RP9: variants seen among roughly 807,000 people sequenced by gnomAD.
RP9 encodes RP9 pre-mRNA splicing factor.
A neutral mutation model predicts 32.6 loss-of-function variants in RP9; 23 were observed. The ratio of observed to expected loss-of-function variants is 0.71; its 90% CI spans 0.51 to 1.00. RP9 has a LOEUF of 1.00. Among genes scored for constraint, RP9 ranks in the 50% least tolerant of loss-of-function variants. The pLI is 0.00. For missense variants in RP9, 245 were observed against 285.3 expected (o/e 0.86, Z 1.02); for synonymous variants, 94 against 103.6 (o/e 0.91, Z 0.56).
chr7:33,097,222 T>G, intron 4 of RP9, 49 bp downstream of exon 4: 1 of 1,389,582 alleles, frequency 7.2e-7, no homozygotes, highest in Non-Finnish European at 1.0e-6. Context: ...CTTCACTGAT[T>G]TTCACTATCT....
intron 3 of RP9, among the ~76,000 whole-genome samples, chr7:33,097,972 G>A (rs1346910577): frequency 6.6e-6 from 1 of 152,144 alleles, no homozygotes; most frequent in Non-Finnish European, 1.5e-5. Flanking sequence ...CAGAGTAAAT[G>A]TTTTCATAAA....
At chr7:33,099,464 A>G (rs769596719) in intron 2 of RP9, 28 bp from the exon 3 acceptor site, 5 of 1,613,610 alleles carry the variant, frequency 3.1e-6, no homozygotes, top group Non-Finnish European at 4.2e-6. Flanking sequence ...TATAAACAGC[A>G]TGGCAAGAGC....
At chr7:33,100,040 C>A (rs1041176901) in intron 2 of RP9, 1 of 174,840 alleles carries the variant, frequency 5.7e-6, no homozygotes, top group Non-Finnish European at 1.2e-5. Context: ...GTTTTCTTGG[C>A]CGTGGCCTGC....
intron 1 of RP9, among the ~76,000 whole-genome samples, chr7:33,104,152 T>G (rs1014352925): frequency 2.0e-4 from 31 of 151,268 alleles, no homozygotes; most frequent in Non-Finnish European, 2.5e-4. Context: ...ACAGAAGAGA[T>G]AGAGCAACAG....
chr7:33,103,697 C>G (rs1010628777), intron 1 of RP9, among the ~76,000 whole-genome samples: 2 of 152,038 alleles, frequency 1.3e-5, no homozygotes, highest in African/African-American at 4.8e-5. Context: ...TGTGCACCTG[C>G]AGTCCCAGCT....
intron 1 of RP9, among the ~76,000 whole-genome samples, chr7:33,104,661 T>A (rs10281469): frequency 3.3e-5 from 5 of 151,964 alleles, no homozygotes; most frequent in African/African-American, 1.2e-4. Flanking sequence ...TCGCCAAAAC[T>A]GAGTGAAAAT....
At chr7:33,097,680 C>A (rs771339764) in intron 3 of RP9, among the ~76,000 whole-genome samples, 7 of 151,966 alleles carry the variant, frequency 4.6e-5, no homozygotes, top group African/African-American at 1.7e-4. Context: ...AGTGCAGTGG[C>A]GTGATCTCAG....
At chr7:33,103,418 G>T (rs1449703707) in intron 1 of RP9, among the ~76,000 whole-genome samples, 1 of 152,210 alleles carries the variant, frequency 6.6e-6, no homozygotes, top group African/African-American at 2.4e-5. Flanking sequence ...CCTGCAGCAT[G>T]AGCGCCCTAT....
intron 1 of RP9, among the ~76,000 whole-genome samples, chr7:33,105,108 G>T (rs1483438843): frequency 1.3e-5 from 2 of 152,180 alleles, no homozygotes; most frequent in Non-Finnish European, 2.9e-5. Flanking sequence ...GGGAAAGGAT[G>T]CCCTAGGACC....
chr7:33,109,232 G>C lies in RP9; in HGVS notation c.141C>G (p.His47Gln). 1 of 1,497,524 alleles carries C rather than the reference G, an allele frequency of 6.7e-7. No individual in the cohort carries two copies. The highest frequency in any genetic ancestry group is 8.9e-7 in the Non-Finnish European group (1 of 1,125,818). 92.8% of individuals were successfully genotyped at this position (1,497,524 alleles called of 1,614,324 possible). Reference sequence around the variant, plus strand: ...AGCTCGGGACTCACAAGGACTCCAGGTGCTTGAGCTGCTGCAGCTGCTGCG... The same window carrying C: ...AGCTCGGGACTCACAAGGACTCCAGCTGCTTGAGCTGCTGCAGCTGCTGCG... ...HDAQQLQQLKHLESFYEKPPP... is the reference protein window; with the variant it reads ...HDAQQLQQLKQLESFYEKPPP... Residue 47 changes from histidine (H) to glutamine (Q), a missense_variant, in exon 1 of 6, where the codon CAC (histidine) becomes CAG (glutamine). By Grantham distance (24) the His-to-Gln change is conservative. Transcript: ENST00000297157. The surrounding 1 kb of genome is among the most constrained non-coding windows in gnomAD (Gnocchi z 4.9).
At chr7:33,097,773 C>G (rs534613649) in intron 3 of RP9, among the ~76,000 whole-genome samples, 1 of 152,182 alleles carries the variant, frequency 6.6e-6, no homozygotes, top group South Asian at 2.1e-4. Flanking sequence ...GTGCGTACCA[C>G]CACACCCAGC....
chr7:33,104,904 T>C (rs1339888393), intron 1 of RP9, among the ~76,000 whole-genome samples: 1 of 152,208 alleles, frequency 6.6e-6, no homozygotes, highest in Non-Finnish European at 1.5e-5. Context: ...TGACCTGTAA[T>C]TTTATACCTA....
At chr7:33,103,977 G>T (rs117922812) in intron 1 of RP9, among the ~76,000 whole-genome samples, 5,041 of 152,188 alleles carry the variant, frequency 0.033, 107 homozygotes, top group Non-Finnish European at 0.05. Context: ...AGAAAAACGA[G>T]TGAGTATCCT....
chr7:33,094,829 TCAA>T lies in RP9; in HGVS notation c.*402_*404del, dbSNP rs772514957. On this transcript the variant is annotated 3_prime_UTR_variant, in exon 6 of 6. Transcript: ENST00000297157. ...AATAAATAATGAGCTTTTATTATTC[TCAA>T]CAACAGAGAAGACTCCAGCCTGATG... 2 of 205,212 alleles carry T rather than the reference TCAA, an allele frequency of 9.7e-6. No homozygotes were observed. Among genetic ancestry groups the T allele is most frequent in the South Asian group, 1.2e-4 (1 of 8,442 alleles). 12.7% of individuals were successfully genotyped at this position (205,212 alleles called of 1,614,324 possible). A position where few individuals can be genotyped will look rare whatever the true frequency, so the allele number is the denominator to read the frequency against.
rs963894506 is a variant in RP9, at chr7:33,109,386, G to A, written c.-14C>T. On this transcript the variant is annotated 5_prime_UTR_variant, in exon 1 of 6. Transcript: ENST00000297157. The surrounding 1 kb of genome is among the most constrained non-coding windows in gnomAD (Gnocchi z 4.9). The stretch of plus-strand genomic sequence containing the variant: ...CCGGGACGACATGTCAGCCCCCGCA[G>A]CGCCGCTCGGGCAACCCCCGCGGCG... The A allele has an allele frequency of 1.2e-4, 151 of 1,242,636 alleles. No homozygotes were observed. Among genetic ancestry groups the A allele is most frequent in the Non-Finnish European group, 1.4e-4 (143 of 987,834 alleles). The allele number at this position is 1,242,636 out of a possible 1,614,324, so 77.0% of individuals were successfully genotyped here. A position where few individuals can be genotyped will look rare whatever the true frequency, so the allele number is the denominator to read the frequency against.
At chr7:33,099,073 G>C (rs375106118) in intron 3 of RP9, 9 of 590,884 alleles carry the variant, frequency 1.5e-5, no homozygotes, top group African/African-American at 1.9e-5. Flanking sequence ...CAGGGTCCCA[G>C]CAAGGTGGGT....
intron 1 of RP9, among the ~76,000 whole-genome samples, chr7:33,107,615 AG>A (rs1462092221): frequency 3.9e-5 from 6 of 152,176 alleles, no homozygotes; most frequent in Non-Finnish European, 7.3e-5. Context: ...TGCCCTGCTA[AG>A]GGGAAAAGTC....
At chr7:33,106,984 TA>T (rs1214093807) in intron 1 of RP9, among the ~76,000 whole-genome samples, 1 of 150,882 alleles carries the variant, frequency 6.6e-6, no homozygotes, top group East Asian at 1.9e-4. Context: ...ATCCCAGAAG[TA>T]AAACCTAAAA....
chr7:33,100,657 G>T lies in RP9; in HGVS notation c.153-96C>A, dbSNP rs759895247. The T allele has an allele frequency of 3.1e-6, 3 of 980,742 alleles. No homozygotes were observed. In the African/African-American group the frequency reaches 4.8e-5, roughly 16 times the overall value. 60.8% of individuals were successfully genotyped at this position (980,742 alleles called of 1,614,324 possible). A position where few individuals can be genotyped will look rare whatever the true frequency, so the allele number is the denominator to read the frequency against. On this transcript the variant is annotated intron_variant, in intron 1 of 5. Coordinates refer to ENST00000297157, the MANE Select transcript of RP9 (RefSeq NM_203288.2). Reference sequence around the variant, plus strand: ...AGGGGCTATAGGATTTTTAATCAGAGATTTTAGCAACAATAAGCTTTTATC... The same window carrying T: ...AGGGGCTATAGGATTTTTAATCAGATATTTTAGCAACAATAAGCTTTTATC...
Sources: gnomAD v4.1 joint callset for allele counts (sites outside exome capture counted in the v4.1 genomes callset) on GRCh38, gnomAD v4.1.1 for gene constraint, Gnocchi (gnomAD v3.1) non-coding constraint, MANE v1.5 for transcripts, NCBI Gene and HGNC (gene_info 2026-07-23, HGNC 2026-07-21) for gene names.